TRPC4: variants seen among roughly 807,000 people sequenced by gnomAD.
TRPC4 encodes the protein short transient receptor potential channel 4.
In TRPC4, 49 loss-of-function variants were observed where a neutral mutation model predicts 99.4. The ratio of observed to expected loss-of-function variants is 0.49; its 90% CI spans 0.39 to 0.63. TRPC4 has a LOEUF of 0.63. Among genes scored for constraint, TRPC4 ranks in the 20% least tolerant of loss-of-function variants. The pLI is 0.00. For synonymous variants in TRPC4, 454 were observed against 425.9 expected (o/e 1.07, Z -0.81); for missense variants, 898 against 1,152.9 (o/e 0.78, Z 3.20).
intron 3 of TRPC4, among the ~76,000 whole-genome samples, chr13:37,744,283 C>G (rs774436876): frequency 2.6e-5 from 4 of 152,166 alleles, no homozygotes; most frequent in Non-Finnish European, 2.9e-5. Context: ...GACTTCTTAT[C>G]TTCCCATTTA....
intron 3 of TRPC4, among the ~76,000 whole-genome samples, chr13:37,717,308 C>T (rs1954711042): frequency 1.3e-5 from 2 of 152,002 alleles, no homozygotes; most frequent in East Asian, 1.9e-4. Flanking sequence ...TAGAAACATA[C>T]AGATTTTAAG....
At chr13:37,670,387 A>G (rs769194459) in intron 5 of TRPC4, among the ~76,000 whole-genome samples, 1 of 152,156 alleles carries the variant, frequency 6.6e-6, no homozygotes, top group Non-Finnish European at 1.5e-5. Flanking sequence ...TGACTTAACC[A>G]AAAGGACCTA....
intron 4 of TRPC4, among the ~76,000 whole-genome samples, chr13:37,679,926 C>T: frequency 6.6e-6 from 1 of 152,068 alleles, no homozygotes; most frequent in East Asian, 1.9e-4. Context: ...CATTTTTTTC[C>T]ATACCTATGG....
intron 1 of TRPC4, among the ~76,000 whole-genome samples, chr13:37,839,000 A>G (rs1164151472): frequency 6.6e-6 from 1 of 152,212 alleles, no homozygotes; most frequent in African/African-American, 2.4e-5. Flanking sequence ...GGTACATCTG[A>G]TATCATGCTC....
chr13:37,828,672 G>A (rs1484823159), intron 1 of TRPC4, among the ~76,000 whole-genome samples: 1 of 152,220 alleles, frequency 6.6e-6, no homozygotes, highest in African/African-American at 2.4e-5. Flanking sequence ...ATGAGATTAT[G>A]TTCTTTGCAG....
intron 3 of TRPC4, among the ~76,000 whole-genome samples, chr13:37,722,815 TG>T: frequency 1.3e-5 from 2 of 151,244 alleles, no homozygotes; most frequent in East Asian, 1.9e-4. Context: ...AATTATTGCA[TG>T]AAAAAAAAAA....
At chr13:37,682,630 C>T (rs1218710835) in intron 4 of TRPC4, among the ~76,000 whole-genome samples, 2 of 152,166 alleles carry the variant, frequency 1.3e-5, no homozygotes, top group East Asian at 3.9e-4. Context: ...CATCAGGACC[C>T]TATCTGTTCC....
chr13:37,647,800 C>T (rs2138586276), intron 8 of TRPC4, among the ~76,000 whole-genome samples: 1 of 152,190 alleles, frequency 6.6e-6, no homozygotes, highest in African/African-American at 2.4e-5. Context: ...CTTTGTATGT[C>T]CACATAATAA....
intron 1 of TRPC4, among the ~76,000 whole-genome samples, chr13:37,842,372 G>GAAAAAAAAAAAAAAAAAAAAAAAAAAAA (rs1566216069): frequency 1.4e-5 from 1 of 72,092 alleles, no homozygotes; most frequent in Non-Finnish European, 2.9e-5. Flanking sequence ...AAAAAAAAAG[G>GAAAAAAAAAAAAAAAAAAAAAAAAAAAA]AAAAGGAAAA....
intron 1 of TRPC4, among the ~76,000 whole-genome samples, chr13:37,796,975 AAAGTAAAGTAAAG>A (rs1957272101): frequency 6.1e-5 from 9 of 148,090 alleles, no homozygotes; most frequent in Middle Eastern, 7.0e-3. Context: ...AAAATAAAGT[AAAGTAAAGTAAAG>A]TAAAGTAAAG....
At chr13:37,767,035 T>C (rs1956392983) in intron 2 of TRPC4, among the ~76,000 whole-genome samples, 1 of 151,446 alleles carries the variant, frequency 6.6e-6, no homozygotes, top group Non-Finnish European at 1.5e-5. Context: ...AACTAGTCTA[T>C]TGAGTGGGTG....
chr13:37,802,840 G>A (rs960870087), intron 1 of TRPC4, among the ~76,000 whole-genome samples: 2 of 151,916 alleles, frequency 1.3e-5, no homozygotes, highest in African/African-American at 2.4e-5. Flanking sequence ...CACTGATTTC[G>A]GTATACATCA....
intron 3 of TRPC4, among the ~76,000 whole-genome samples, chr13:37,719,883 T>A (rs987472483): frequency 6.6e-6 from 1 of 152,202 alleles, no homozygotes; most frequent in Non-Finnish European, 1.5e-5. Flanking sequence ...CATTAAAATA[T>A]GTTTTAATGT....
At chr13:37,783,897 A>T (rs1956908111) in intron 1 of TRPC4, among the ~76,000 whole-genome samples, 1 of 151,780 alleles carries the variant, frequency 6.6e-6, no homozygotes, top group Non-Finnish European at 1.5e-5. Flanking sequence ...TGGTAGAGAC[A>T]GGGTTTTGCC....
chr13:37,681,062 G>C (rs1953218867), intron 4 of TRPC4, among the ~76,000 whole-genome samples: 3 of 152,128 alleles, frequency 2.0e-5, no homozygotes, highest in Admixed American at 2.0e-4. Context: ...AGGAAGAAAG[G>C]CTTTGGGAAG....
chr13:37,785,715 AT>A (rs1833961710), intron 1 of TRPC4, among the ~76,000 whole-genome samples: 1 of 152,068 alleles, frequency 6.6e-6, no homozygotes, highest in African/African-American at 2.4e-5. Context: ...CATTTAGTTA[AT>A]TTTATTAATA....
At position 37,746,047 on chromosome 13, in the gene TRPC4, T is replaced by C. The variant is rs1162189805; in HGVS notation, c.787A>G (p.Arg263Gly). 8 of 1,613,968 alleles carry C rather than the reference T, an allele frequency of 5.0e-6. No individual in the cohort carries two copies. In the East Asian group the frequency reaches 6.7e-5, roughly 13 times the overall value. Residue 263 changes from arginine (R) to glycine (G), a missense_variant, in exon 3 of 11, where the codon AGA (arginine) becomes GGA (glycine). Physicochemically the swap from Arg to Gly is moderately radical, Grantham distance 125 (BLOSUM62 -2). Around this residue, in one of 3 missense-constraint regions of TRPC4, gnomAD observed 278 missense variants for 346.6 expected, o/e 0.80. Coordinates refer to ENST00000379705, the MANE Select transcript of TRPC4 (RefSeq NM_016179.4). The stretch of plus-strand genomic sequence containing the variant: ...TAATTAAGAATGATTTCCAGTTCTC[T>C]GGAACTTCTCGTCTGATCCAGTAGG... Reference protein sequence around the residue: ...KDLLDQTRSSRELEIILNYRD... With the variant: ...KDLLDQTRSSGELEIILNYRD...
At position 37,637,407 on chromosome 13, in the gene TRPC4, A is replaced by C. The variant is rs1394886513; in HGVS notation, c.2430T>G (p.Ile810Met). Residue 810 changes from isoleucine (I) to methionine (M), a missense_variant, in exon 11 of 11, where the codon ATT becomes ATG. Coordinates refer to ENST00000379705, the MANE Select transcript of TRPC4 (RefSeq NM_016179.4). Reference protein sequence around the residue: ...TTLIHPRSAAIASERHNISNG... With the variant: ...TTLIHPRSAAMASERHNISNG... ...TGCTTATGTTATGTCTTTCAGAGGC[A>C]ATTGCTGCTGATCTCGGATGAATCA... The C allele has an allele frequency of 6.2e-7, 1 of 1,613,574 alleles. No homozygotes were observed. Among genetic ancestry groups the C allele is most frequent in the African/African-American group, 1.3e-5 (1 of 74,854 alleles).
intron 2 of TRPC4, among the ~76,000 whole-genome samples, chr13:37,770,930 A>C (rs536092040): frequency 6.6e-6 from 1 of 151,746 alleles, no homozygotes; most frequent in South Asian, 2.1e-4. Context: ...CTTCACAGAA[A>C]CACAATGGTA....
Sources: gnomAD v4.1 joint callset for allele counts (sites outside exome capture counted in the v4.1 genomes callset) on GRCh38, gnomAD v4.1.1 for gene constraint, gnomAD v4.1.1 regional missense constraint, MANE v1.5 for transcripts, NCBI Gene and HGNC (gene_info 2026-07-23, HGNC 2026-07-21) for gene names.